CNTN6: variants seen among roughly 807,000 people sequenced by gnomAD.
CNTN6 encodes the protein contactin-6.
A neutral mutation model predicts 122.8 loss-of-function variants in CNTN6; 137 were observed. The observed-to-expected ratio is 1.12, with a 90% CI of 0.97 to 1.29. The LOEUF is 1.29. Ranked by LOEUF, CNTN6 falls within the 50% of genes most tolerant of loss-of-function variation. The probability of loss-of-function intolerance (pLI) is 0.00; values close to 1 mark genes in which losing one functional copy is unlikely to be tolerated. For synonymous variants in CNTN6, 570 were observed against 426.0 expected (o/e 1.34, Z -4.16); for missense variants, 1,634 against 1,223.4 (o/e 1.34, Z -5.01).
At chr3:1,336,893 G>A (rs1453360500) in intron 11 of CNTN6, among the ~76,000 whole-genome samples, 9 of 149,344 alleles carry the variant, frequency 6.0e-5, no homozygotes, top group Non-Finnish European at 8.8e-5. Flanking sequence ...TATAAAGATC[G>A]TAGGGAAAGT....
rs781404162 is a variant in CNTN6 at position 1,373,746 on chromosome 3, G to A, written c.1929G>A (p.Trp643Ter). The change falls in exon 15 of 23, where the codon TGG (tryptophan) becomes TGA (stop). Residue 643 changes from tryptophan (W) to a stop codon, truncating the protein, a stop_gained. Transcript: ENST00000446702. LOFTEE classifies it high-confidence loss of function. ...IQTRTPFSVG[W>*]QAVATVPEIL... ...CTCGGACACCATTTTCTGTGGGTTG[G>A]CAGGCTGTTGCTACAGGTGAGTGAC... The A allele has an allele frequency of 1.2e-6, 2 of 1,608,066 alleles. No homozygotes were observed. The highest frequency in any genetic ancestry group is 1.7e-6 in the Non-Finnish European group (2 of 1,177,024).
At position 1,403,299 on chromosome 3, in the gene CNTN6, T is replaced by G; in HGVS notation, c.2987-19T>G. 5 of 1,543,332 alleles carry G rather than the reference T, an allele frequency of 3.2e-6. No homozygotes were observed. The highest frequency in any genetic ancestry group is 4.4e-6 in the Non-Finnish European group (5 of 1,124,958). On this transcript the variant is annotated intron_variant, in intron 22 of 22. Coordinates refer to ENST00000446702, the MANE Select transcript of CNTN6 (RefSeq NM_001289080.2). ...TACTTTATCTCAAAATATTTTTGTC[T>G]TATTTTTATATTTTGCAGGTTTGAG...
intron 1 of CNTN6, among the ~76,000 whole-genome samples, chr3:1,131,636 A>C (rs1322312245): frequency 6.6e-6 from 1 of 152,138 alleles, no homozygotes; most frequent in Non-Finnish European, 1.5e-5. Flanking sequence ...AGCACCTGGG[A>C]ACCTCCAGGG....
chr3:1,332,448 TA>T (rs1311260619), intron 11 of CNTN6, among the ~76,000 whole-genome samples: 4 of 146,124 alleles, frequency 2.7e-5, no homozygotes, highest in Non-Finnish European at 6.0e-5. Context: ...CAGATTGAGG[TA>T]AAAAATTAGA....
At chr3:1,317,281 A>C (rs1356443636) in intron 7 of CNTN6, among the ~76,000 whole-genome samples, 1 of 151,778 alleles carries the variant, frequency 6.6e-6, no homozygotes, top group Non-Finnish European at 1.5e-5. Context: ...AGCACACACT[A>C]TAATAGCCAG....
intron 2 of CNTN6, among the ~76,000 whole-genome samples, chr3:1,193,980 T>C (rs565394733): frequency 3.3e-5 from 5 of 152,266 alleles, no homozygotes; most frequent in South Asian, 2.1e-4. Flanking sequence ...ATGTTTTTTT[T>C]CCCCAAAGCA....
At chr3:1,269,651 A>G (rs577909440) in intron 4 of CNTN6, among the ~76,000 whole-genome samples, 1 of 152,316 alleles carries the variant, frequency 6.6e-6, no homozygotes, top group African/African-American at 2.4e-5. Flanking sequence ...CATGTATATT[A>G]TCATAGACCA....
intron 2 of CNTN6, among the ~76,000 whole-genome samples, chr3:1,161,769 TACACACAC>T (rs558137459): frequency 9.8e-5 from 14 of 143,032 alleles, no homozygotes; most frequent in African/African-American, 2.3e-4. Context: ...TATATATGTA[TACACACAC>T]ACACACACAC....
chr3:1,330,482 C>G (rs778041923), intron 11 of CNTN6, among the ~76,000 whole-genome samples: 1 of 151,328 alleles, frequency 6.6e-6, no homozygotes, highest in Admixed American at 6.6e-5. Flanking sequence ...CAAAAGAAAA[C>G]AAACAAACAA....
At chr3:1,250,182 C>G (rs911971963) in intron 4 of CNTN6, among the ~76,000 whole-genome samples, 1 of 152,126 alleles carries the variant, frequency 6.6e-6, no homozygotes, top group African/African-American at 2.4e-5. Context: ...ATTTCCTGAG[C>G]TTGCTTAAAT....
chr3:1,307,469 T>C (rs925934028), intron 7 of CNTN6, among the ~76,000 whole-genome samples: 1 of 133,070 alleles, frequency 7.5e-6, no homozygotes, highest in African/African-American at 3.9e-5. Flanking sequence ...AGGTCCAATA[T>C]AACCCCCCCA....
chr3:1,385,808 A>T lies in CNTN6; in HGVS notation c.2704+11A>T, dbSNP rs751331688. ...CCACCAAAAAGTCTCGTAAGTATGC[A>T]TACACTCCAGGAAACAAGATTCATC... On this transcript the variant is annotated intron_variant, in intron 20 of 22. Transcript: ENST00000446702. The T allele has an allele frequency of 3.1e-6, 5 of 1,599,152 alleles. No homozygotes were observed. Among genetic ancestry groups the T allele is most frequent in the Non-Finnish European group, 4.3e-6 (5 of 1,173,676 alleles).
At chr3:1,155,616 A>G (rs939426647) in intron 2 of CNTN6, among the ~76,000 whole-genome samples, 1 of 152,260 alleles carries the variant, frequency 6.6e-6, no homozygotes, top group Admixed American at 6.5e-5. Context: ...TTCAGGGAGT[A>G]GAACATTTAA....
At chr3:1,169,563 T>C (rs2093322969) in intron 2 of CNTN6, among the ~76,000 whole-genome samples, 1 of 152,232 alleles carries the variant, frequency 6.6e-6, no homozygotes, top group South Asian at 2.1e-4. Context: ...AGAGGCTTTA[T>C]GGTCAAGTTT....
intron 7 of CNTN6, among the ~76,000 whole-genome samples, chr3:1,300,337 G>T (rs566468343): frequency 9.0e-4 from 137 of 152,060 alleles, no homozygotes; most frequent in African/African-American, 3.0e-3. Flanking sequence ...GCCCAAGGGA[G>T]AGTAGGTGTC....
intron 4 of CNTN6, among the ~76,000 whole-genome samples, chr3:1,263,503 C>T (rs1212322531): frequency 6.6e-6 from 1 of 152,080 alleles, no homozygotes; most frequent in Admixed American, 6.6e-5. Flanking sequence ...CATTCGGGGC[C>T]GTTTTGCAGC....
At chr3:1,292,071 C>G (rs1695421852) in intron 5 of CNTN6, among the ~76,000 whole-genome samples, 1 of 152,028 alleles carries the variant, frequency 6.6e-6, no homozygotes, top group African/African-American at 2.4e-5. Context: ...CATCCATACT[C>G]TGCTTGATCA....
At position 1,212,534 on chromosome 3, in the gene CNTN6, T is replaced by C. The variant is rs184304618; in HGVS notation, c.56-8153T>C. On this transcript the variant is annotated intron_variant, in intron 2 of 22. Coordinates refer to ENST00000446702, the MANE Select transcript of CNTN6 (RefSeq NM_001289080.2). ...ATATACATATGTGTGTGTATATATATACACACACACATATATATGTGTATA... is the reference window on the plus strand; with the variant it reads ...ATATACATATGTGTGTGTATATATACACACACACACATATATATGTGTATA... 8.2e-3 allele frequency among the ~76,000 whole-genome samples: 1,249 copies of C among 151,470 alleles called. 26 individuals carry two copies. Among genetic ancestry groups the C allele is most frequent in the African/African-American group, 0.029 (1,199 of 41,368 alleles).
At chr3:1,093,337 A>G (rs901391723) in intron 1 of CNTN6, among the ~76,000 whole-genome samples, 2 of 152,172 alleles carry the variant, frequency 1.3e-5, no homozygotes, top group African/African-American at 2.4e-5. Context: ...TTGAATCTGT[A>G]TTCCGGGAGG....
Sources: allele counts gnomAD v4.1 joint callset (sites outside exome capture counted in the v4.1 genomes callset), GRCh38; gene constraint gnomAD v4.1.1; transcripts MANE v1.5; gene names NCBI Gene and HGNC (gene_info 2026-07-23, HGNC 2026-07-21).